Variants in PARVA observed in about 807,000 individuals in gnomAD.
The protein encoded by PARVA is alpha-parvin.
A neutral mutation model predicts 52.6 loss-of-function variants in PARVA; 25 were observed. The observed-to-expected ratio is 0.48, with a 90% CI of 0.35 to 0.66. PARVA has a LOEUF of 0.66. PARVA is among the 30% of genes least tolerant of loss of function. The pLI is 0.01. For missense variants in PARVA, 373 were observed against 450.9 expected (o/e 0.83, Z 1.56); for synonymous variants, 185 against 179.1 (o/e 1.03, Z -0.26).
chr11:12,477,806 CTT>C (rs754113788), intron 3 of PARVA, 39 bp from the exon 4 acceptor site: 8 of 1,047,738 alleles, frequency 7.6e-6, no homozygotes, highest in South Asian at 2.5e-5. Context: ...CCCCATAACT[CTT>C]TTCTTACTAT....
chr11:12,465,514 C>G (rs914878022), intron 1 of PARVA, among the ~76,000 whole-genome samples: 2 of 152,212 alleles, frequency 1.3e-5, no homozygotes, highest in Non-Finnish European at 2.9e-5. Context: ...CTTTCACTGC[C>G]TTAAAAATCT....
At chr11:12,423,635 C>T (rs1400013935) in intron 1 of PARVA, among the ~76,000 whole-genome samples, 1 of 152,006 alleles carries the variant, frequency 6.6e-6, no homozygotes, top group Non-Finnish European at 1.5e-5. Context: ...TTAGAAAGTA[C>T]TATTGTATAT....
intron 6 of PARVA, among the ~76,000 whole-genome samples, chr11:12,504,872 G>A (rs1941415390): frequency 6.6e-6 from 1 of 151,946 alleles, no homozygotes; most frequent in South Asian, 2.1e-4. Flanking sequence ...TGATACTTAG[G>A]TATGGGGAGA....
chr11:12,454,698 T>C (rs1392010372), intron 1 of PARVA, among the ~76,000 whole-genome samples: 2 of 152,168 alleles, frequency 1.3e-5, no homozygotes, highest in East Asian at 1.9e-4. Flanking sequence ...ATGGCCAATC[T>C]TGGCTTCATT....
At chr11:12,477,075 C>A (rs1941024522) in intron 3 of PARVA, 1 of 151,856 alleles carries the variant, frequency 6.6e-6, no homozygotes, top group Non-Finnish European at 1.5e-5. Flanking sequence ...GCACAATGAC[C>A]AAGACATATC....
At chr11:12,435,224 C>A (rs1458970130) in intron 1 of PARVA, among the ~76,000 whole-genome samples, 1 of 152,208 alleles carries the variant, frequency 6.6e-6, no homozygotes, top group Non-Finnish European at 1.5e-5. Flanking sequence ...TTGCTCAAGG[C>A]TCCCCCCTCT....
chr11:12,511,505 T>C lies in PARVA; in HGVS notation c.717-9T>C. 1 of 1,612,864 alleles carries C rather than the reference T, an allele frequency of 6.2e-7. No individual in the cohort carries two copies. Among genetic ancestry groups the C allele is most frequent in the Non-Finnish European group, 8.5e-7 (1 of 1,179,464 alleles). ...GAGTCACACTATTTTCTTTCTCTTTTTCCTCCAGGGCTCTTTCCGGGAGGC... is the reference window on the plus strand; with the variant it reads ...GAGTCACACTATTTTCTTTCTCTTTCTCCTCCAGGGCTCTTTCCGGGAGGC... On this transcript the variant is annotated splice_polypyrimidine_tract_variant and intron_variant, in intron 7 of 12. Transcript: ENST00000334956.
chr11:12,503,781 CCA>C (rs796584953), intron 5 of PARVA, among the ~76,000 whole-genome samples: 39 of 152,210 alleles, frequency 2.6e-4, no homozygotes, highest in African/African-American at 9.1e-4. Context: ...CCTGTGATGA[CCA>C]CAGGTGTCCC....
At position 12,424,967 on chromosome 11, in the gene PARVA, T is replaced by G. The variant is rs149672577; in HGVS notation, c.136+47184T>G. 9.7e-3 allele frequency among the ~76,000 whole-genome samples: 1,483 copies of G among 152,344 alleles called. 29 individuals carry two copies. The highest frequency in any genetic ancestry group is 0.034 in the African/African-American group (1,406 of 41,580). On this transcript the variant is annotated intron_variant, in intron 1 of 12. Transcript: ENST00000334956. ...CTGTGTGTAGGATATTATTTGTGATTAAACTATATTTATGAATTAAATGGC... is the reference window on the plus strand; with the variant it reads ...CTGTGTGTAGGATATTATTTGTGATGAAACTATATTTATGAATTAAATGGC...
At chr11:12,414,670 G>A (rs1255294730) in intron 1 of PARVA, among the ~76,000 whole-genome samples, 1 of 150,698 alleles carries the variant, frequency 6.6e-6, no homozygotes, top group Non-Finnish European at 1.5e-5. Flanking sequence ...TTTGTGCTTG[G>A]AAAGTGAAAA....
chr11:12,523,957 G>A (rs1941669930), intron 12 of PARVA, among the ~76,000 whole-genome samples: 1 of 152,196 alleles, frequency 6.6e-6, no homozygotes, highest in Non-Finnish European at 1.5e-5. Context: ...TAGTCTGCCT[G>A]GGACTACCTG....
At chr11:12,412,320 C>T (rs917455699) in intron 1 of PARVA, among the ~76,000 whole-genome samples, 120 of 152,330 alleles carry the variant, frequency 7.9e-4, no homozygotes, top group African/African-American at 2.6e-3. Context: ...CCATCTTTAA[C>T]ACAGAGCATG....
intron 1 of PARVA, among the ~76,000 whole-genome samples, chr11:12,445,919 G>A (rs921474495): frequency 3.9e-5 from 6 of 152,062 alleles, no homozygotes; most frequent in African/African-American, 1.4e-4. Flanking sequence ...AATGCCAGAT[G>A]GTTTAAAGAG....
At chr11:12,402,223 C>T (rs1199192925) in intron 1 of PARVA, among the ~76,000 whole-genome samples, 1 of 152,130 alleles carries the variant, frequency 6.6e-6, no homozygotes, top group African/African-American at 2.4e-5. Context: ...AGGATATTGA[C>T]CAGCAGCTGG....
intron 7 of PARVA, among the ~76,000 whole-genome samples, chr11:12,509,728 A>G (rs891978657): frequency 6.6e-6 from 1 of 152,226 alleles, no homozygotes; most frequent in Non-Finnish European, 1.5e-5. Context: ...GACCCCATCA[A>G]GCAGCCTCTG....
At chr11:12,387,745 C>T (rs1411535559) in intron 1 of PARVA, among the ~76,000 whole-genome samples, 15 of 34,614 alleles carry the variant, frequency 4.3e-4, no homozygotes, top group East Asian at 1.4e-3. Context: ...GGAGGCCCAT[C>T]GGTTGGGGGG....
chr11:12,512,268 CTG>C (rs1941511994), intron 8 of PARVA, among the ~76,000 whole-genome samples: 1 of 152,236 alleles, frequency 6.6e-6, no homozygotes, highest in Admixed American at 6.5e-5. Context: ...TGTCCCCACT[CTG>C]TCCTTCTAGA....
chr11:12,382,177 T>C (rs762938289), intron 1 of PARVA, among the ~76,000 whole-genome samples: 88 of 152,364 alleles, frequency 5.8e-4, no homozygotes, highest in Non-Finnish European at 1.1e-3. Context: ...GTTCATTTCG[T>C]GCAGTGAGGA....
At chr11:12,442,245 C>G (rs1376346419) in intron 1 of PARVA, among the ~76,000 whole-genome samples, 2 of 152,272 alleles carry the variant, frequency 1.3e-5, no homozygotes, top group Non-Finnish European at 2.9e-5. Context: ...TCCAGCTGAA[C>G]AAACTTCTTA....
Sources: allele counts gnomAD v4.1 joint callset (sites outside exome capture counted in the v4.1 genomes callset), GRCh38; gene constraint gnomAD v4.1.1; transcripts MANE v1.5; gene names NCBI Gene and HGNC (gene_info 2026-07-23, HGNC 2026-07-21).